C4orf51: variants seen among roughly 807,000 people sequenced by gnomAD.
C4orf51 encodes uncharacterized protein C4orf51.
Under a neutral mutation model 25.2 loss-of-function variants are expected in C4orf51, and 25 were observed. That is an observed-to-expected ratio of 0.99 (90% CI 0.72 to 1.39). C4orf51 has a LOEUF of 1.39. Among genes scored for constraint, C4orf51 ranks in the 40% most tolerant of loss-of-function variants. The pLI, the probability that C4orf51 is intolerant of heterozygous loss-of-function variation, is 0.00. For synonymous variants in C4orf51, 100 were observed against 84.5 expected, an observed-to-expected ratio of 1.18 and a Z score of -1.01; for missense variants, 252 against 239.6, an observed-to-expected ratio of 1.05 and a Z score of -0.34.
downstream of C4orf51, chr4:145,775,667 A>C: frequency 8.1e-7 from 1 of 1,237,100 alleles, no homozygotes; most frequent in South Asian, 1.4e-5. Flanking sequence ...AATTACTCAA[A>C]TGAAGGCCAG....
the C4orf51 span, chr4:145,779,424 T>C: frequency 6.2e-7 from 1 of 1,614,118 alleles, no homozygotes; most frequent in Non-Finnish European, 8.5e-7. Flanking sequence ...GCCAAACACT[T>C]TCCCACACAC....
At chr4:145,731,053 C>A (rs1351441835) in intron 5 of C4orf51, among the ~76,000 whole-genome samples, 2 of 152,100 alleles carry the variant, frequency 1.3e-5, no homozygotes, top group Non-Finnish European at 2.9e-5. Context: ...CTGCATGGTC[C>A]CCTGAAAGTT....
rs1253435117 is a variant in C4orf51 at position 145,765,017 on chromosome 4, T to A, written n.167-5971T>A. On this transcript the variant is annotated intron_variant and non_coding_transcript_variant, in intron 1 of 1. Coordinates refer to the C4orf51 transcript ENST00000510096. The surrounding 1 kb of genome is among the most constrained non-coding windows in gnomAD (Gnocchi z 4.7). ...GCCCACCGGTGGGGACAGTGTGGCA[T>A]TTCTTATGCTCCAGCAGCTGTTCGG... 2 of 1,613,922 alleles carry A rather than the reference T, an allele frequency of 1.2e-6. No individual in the cohort carries two copies. The highest frequency in any genetic ancestry group is 2.7e-5 in the African/African-American group (2 of 74,930).
chr4:145,747,454 T>C (rs1733432686), intron 1 of C4orf51, among the ~76,000 whole-genome samples: 1 of 151,936 alleles, frequency 6.6e-6, no homozygotes, highest in African/African-American at 2.4e-5. Flanking sequence ...TTAATCAAAA[T>C]GATCATATGG....
chr4:145,729,297 A>ACTTTT, intron 4 of C4orf51, 68 bp downstream of exon 4: 1 of 291,814 alleles, frequency 3.4e-6, no homozygotes, highest in Non-Finnish European at 5.5e-6. Flanking sequence ...TGGTCATGTG[A>ACTTTT]TTTTTTTTTT....
intron 1 of C4orf51, among the ~76,000 whole-genome samples, chr4:145,684,561 G>T (rs778605165): frequency 6.6e-6 from 1 of 152,172 alleles, no homozygotes; most frequent in African/African-American, 2.4e-5. Context: ...ATAACATTAC[G>T]CACCTATCAA....
In C4orf51 at chr4:145,761,927, C is replaced by T. The variant is rs1025931241; in HGVS notation, n.167-9061C>T. Among the ~76,000 whole-genome samples, 60 of 152,316 alleles carry T rather than the reference C, an allele frequency of 3.9e-4. No homozygotes were observed. The highest frequency in any genetic ancestry group is 7.3e-5 in the Non-Finnish European group (5 of 68,036). On this transcript the variant is annotated intron_variant and non_coding_transcript_variant, in intron 1 of 1. Coordinates refer to the C4orf51 transcript ENST00000510096. The surrounding 1 kb of genome is among the most constrained non-coding windows in gnomAD (Gnocchi z 6.8). Reference sequence around the variant, plus strand: ...TTTGCTGGTGCTCCCCTCCAGCCCCCGCCCGGCCCCTCGGAGCCCTCCCCA... The same window carrying T: ...TTTGCTGGTGCTCCCCTCCAGCCCCTGCCCGGCCCCTCGGAGCCCTCCCCA...
intron 2 of C4orf51, among the ~76,000 whole-genome samples, chr4:145,698,778 A>T (rs1000167588): frequency 2.6e-5 from 4 of 152,270 alleles, no homozygotes; most frequent in South Asian, 2.1e-4. Context: ...TTAGAATTTT[A>T]TTTTTGGTTT....
downstream of C4orf51, among the ~76,000 whole-genome samples, chr4:145,733,216 G>T (rs927061001): frequency 6.6e-6 from 1 of 151,800 alleles, no homozygotes; most frequent in Admixed American, 6.5e-5. Context: ...GCCCGCCGGA[G>T]CGGCCGTCTC....
At chr4:145,718,272 G>C (rs1187914514) in intron 2 of C4orf51, among the ~76,000 whole-genome samples, 17 of 152,200 alleles carry the variant, frequency 1.1e-4, no homozygotes, top group Admixed American at 1.1e-3. Context: ...ATATCCTTGG[G>C]ATATTTCCTA....
rs897366126 is a variant in C4orf51, at chr4:145,763,587, G to C, written n.167-7401G>C. Among the ~76,000 whole-genome samples, 1 of 152,216 alleles carries C rather than the reference G, an allele frequency of 6.6e-6. No individual in the cohort carries two copies. The highest frequency in any genetic ancestry group is 1.5e-5 in the Non-Finnish European group (1 of 68,036). On this transcript the variant is annotated intron_variant and non_coding_transcript_variant, in intron 1 of 1. Coordinates refer to the C4orf51 transcript ENST00000510096. This position sits in a 1 kb window ranked among gnomAD's most constrained non-coding sequence, Gnocchi z 4.6. ...GGCTGGGGACTTTGGAGGTCCCTGA[G>C]GAAAGGCGAACTGGCAAAGCCACAA...
At chr4:145,768,916 T>TATATATATATAAAA (rs34051922) in intron 1 of C4orf51, among the ~76,000 whole-genome samples, 930 of 34,342 alleles carry the variant, frequency 0.027, 212 homozygotes, top group Non-Finnish European at 0.035. Flanking sequence ...TATATATATA[T>TATATATATATAAAA]TAGGTATACA....
chr4:145,729,221 GA>G lies in C4orf51; in HGVS notation c.423del (p.Lys141AsnfsTer4). The G allele has an allele frequency of 6.2e-7, 1 of 1,600,940 alleles. No homozygotes were observed. The highest frequency in any genetic ancestry group is 1.1e-5 in the South Asian group (1 of 90,260). On this transcript the variant is annotated frameshift_variant, in exon 4 of 6. Transcript: ENST00000438731. LOFTEE classifies it high-confidence loss of function. Reference sequence around the variant, plus strand: ...TGTTTTCCGACACCTCCAAATTATGGAAAATACTGTAAGTCCCATCCTGAAC... The same window carrying G: ...TGTTTTCCGACACCTCCAAATTATGGAAATACTGTAAGTCCCATCCTGAAC... ...GDCFPTPPNY[G>X]KYCVRPKKPA...
At chr4:145,735,513 A>G (rs780925304), downstream of C4orf51, among the ~76,000 whole-genome samples, 1 of 152,142 alleles carries the variant, frequency 6.6e-6, no homozygotes, top group Admixed American at 6.5e-5. Context: ...TTGGATGACA[A>G]GGATCTGTTT....
At chr4:145,742,956 G>C (rs938986432) in intron 1 of C4orf51, among the ~76,000 whole-genome samples, 1 of 152,164 alleles carries the variant, frequency 6.6e-6, no homozygotes, top group African/African-American at 2.4e-5. Flanking sequence ...ATATTTGGCA[G>C]ATAAAATAAA....
chr4:145,680,898 A>G (rs376674405), intron 1 of C4orf51, among the ~76,000 whole-genome samples: 1 of 152,174 alleles, frequency 6.6e-6, no homozygotes, highest in East Asian at 1.9e-4. Context: ...TAAGCCCATA[A>G]TCAAAAAAAT....
At chr4:145,766,697 G>A (rs6814867) in intron 1 of C4orf51, among the ~76,000 whole-genome samples, 146,019 of 152,284 alleles carry the variant, frequency 0.96, 70,074 homozygotes, top group African/African-American at 0.99. Flanking sequence ...GGGGTGAAGA[G>A]ACTACCCATA....
rs1347007976 is a variant in C4orf51, at chr4:145,763,958, G to C, written n.167-7030G>C. Among the ~76,000 whole-genome samples the C allele has an allele frequency of 6.6e-6, 1 of 152,036 alleles. No homozygotes were observed. Among genetic ancestry groups the C allele is most frequent in the Non-Finnish European group, 1.5e-5 (1 of 68,012 alleles). On this transcript the variant is annotated intron_variant and non_coding_transcript_variant, in intron 1 of 1. Transcript: ENST00000510096. The surrounding 1 kb of genome is among the most constrained non-coding windows in gnomAD (Gnocchi z 4.6). ...AGTTTTTGAGGAGGCAGGGGCCTGG[G>C]GGGACCCAACCTGCACTGACCCCAA...
chr4:145,783,196 C>A, the C4orf51 span, among the ~76,000 whole-genome samples: 1 of 152,170 alleles, frequency 6.6e-6, no homozygotes, highest in African/African-American at 2.4e-5. Context: ...ATTTGTGTAT[C>A]CTCAGCATTA....
Sources: allele counts gnomAD v4.1 joint callset (sites outside exome capture counted in the v4.1 genomes callset), GRCh38; gene constraint gnomAD v4.1.1; non-coding constraint Gnocchi (gnomAD v3.1); transcripts MANE v1.5; gene names NCBI Gene and HGNC (gene_info 2026-07-23, HGNC 2026-07-21).